Variants in LARGE1 observed in about 807,000 individuals in gnomAD.
The protein encoded by LARGE1 is LARGE xylosyl- and glucuronyltransferase 1.
LARGE1 carries 43 observed loss-of-function variants against 87.6 expected under a neutral mutation model. That is an observed-to-expected ratio of 0.49 (90% CI 0.38 to 0.63). The LOEUF (loss-of-function observed/expected upper bound fraction) is 0.63, where lower values mean the gene tolerates loss of function less well. Ranked by LOEUF, LARGE1 falls within the 30% of genes least tolerant of loss-of-function variation. LARGE1 has a pLI of 0.00. For synonymous variants in LARGE1, 434 were observed against 394.6 expected, an observed-to-expected ratio of 1.10 and a Z score of -1.18; for missense variants, 802 against 1,000.2, an observed-to-expected ratio of 0.80 and a Z score of 2.67.
chr22:33,181,224 C>A (rs137367), intron 11 of LARGE1, among the ~76,000 whole-genome samples: 1 of 151,798 alleles, frequency 6.6e-6, no homozygotes. Flanking sequence ...CTAAAATCAG[C>A]GGATAAAATT....
intron 2 of LARGE1, among the ~76,000 whole-genome samples, chr22:33,669,167 T>A (rs570131387): frequency 5.2e-5 from 8 of 152,382 alleles, no homozygotes; most frequent in African/African-American, 1.9e-4. Flanking sequence ...GAAGTAATTT[T>A]ATATCCCTCA....
intron 2 of LARGE1, among the ~76,000 whole-genome samples, chr22:33,653,223 C>T (rs952090669): frequency 2.0e-4 from 30 of 152,118 alleles, no homozygotes; most frequent in African/African-American, 7.0e-4. Flanking sequence ...GCTGATAATG[C>T]CTTAGGTTGC....
chr22:33,622,988 A>G (rs2149062334), intron 4 of LARGE1, among the ~76,000 whole-genome samples: 1 of 152,308 alleles, frequency 6.6e-6, no homozygotes, highest in South Asian at 2.1e-4. Flanking sequence ...TTCAACAACT[A>G]TTAGATTATC....
intron 4 of LARGE1, among the ~76,000 whole-genome samples, chr22:33,612,063 A>G (rs967717943): frequency 6.6e-6 from 1 of 152,208 alleles, no homozygotes; most frequent in Admixed American, 6.5e-5. Flanking sequence ...CTGTGAGCCA[A>G]TTAAATCTCT....
intron 6 of LARGE1, among the ~76,000 whole-genome samples, chr22:33,531,799 A>G (rs1049207885): frequency 6.6e-6 from 1 of 152,218 alleles, no homozygotes; most frequent in Non-Finnish European, 1.5e-5. Context: ...TAGGGTCTCA[A>G]GGACCAAACT....
chr22:33,862,007 C>T (rs747810907), intron 1 of LARGE1, among the ~76,000 whole-genome samples: 7 of 151,718 alleles, frequency 4.6e-5, no homozygotes, highest in Admixed American at 6.6e-5. Context: ...TACAGGCACG[C>T]GCCACCATGC....
At chr22:33,646,123 A>G (rs141738699) in intron 3 of LARGE1, among the ~76,000 whole-genome samples, 141 of 152,298 alleles carry the variant, frequency 9.3e-4, no homozygotes, top group Middle Eastern at 3.4e-3. Context: ...TTCTGCCATA[A>G]AGACACACAC....
chr22:33,681,085 C>A (rs1453040023), intron 2 of LARGE1, among the ~76,000 whole-genome samples: 3 of 152,086 alleles, frequency 2.0e-5, no homozygotes. Flanking sequence ...ATGTACTATA[C>A]CTGCCAGTTC....
At chr22:33,790,262 G>GT (rs1003123972) in intron 1 of LARGE1, among the ~76,000 whole-genome samples, 101 of 152,300 alleles carry the variant, frequency 6.6e-4, no homozygotes, top group African/African-American at 2.3e-3. Flanking sequence ...TGCCATGATT[G>GT]TGAGGCCTGC....
intron 4 of LARGE1, among the ~76,000 whole-genome samples, chr22:33,618,769 C>A (rs1317886861): frequency 6.6e-6 from 1 of 152,224 alleles, no homozygotes; most frequent in Non-Finnish European, 1.5e-5. Context: ...ACCTTCAAGC[C>A]AGAAACAGTC....
intron 11 of LARGE1, among the ~76,000 whole-genome samples, chr22:33,205,308 T>C (rs902215316): frequency 9.9e-5 from 15 of 152,258 alleles, no homozygotes; most frequent in Non-Finnish European, 2.2e-4. Context: ...GACTGCTATG[T>C]GCCAGCCACA....
chr22:33,657,367 A>G (rs1051634044), intron 2 of LARGE1, among the ~76,000 whole-genome samples: 1 of 152,130 alleles, frequency 6.6e-6, no homozygotes, highest in African/African-American at 2.4e-5. Context: ...TTCCCATTTG[A>G]TTTCAAACAT....
At chr22:33,491,790 T>G (rs918424643) in intron 6 of LARGE1, among the ~76,000 whole-genome samples, 1 of 152,176 alleles carries the variant, frequency 6.6e-6, no homozygotes, top group African/African-American at 2.4e-5. Flanking sequence ...TATTGCATAG[T>G]TGAAACAAAA....
At chr22:33,205,472 T>C (rs1027374849) in intron 11 of LARGE1, among the ~76,000 whole-genome samples, 1 of 152,122 alleles carries the variant, frequency 6.6e-6, no homozygotes, top group African/African-American at 2.4e-5. Context: ...AGATAATAAA[T>C]AGCACATAAA....
At chr22:33,534,467 G>A (rs5754592) in intron 6 of LARGE1, among the ~76,000 whole-genome samples, 1 of 151,624 alleles carries the variant, frequency 6.6e-6, no homozygotes, top group Non-Finnish European at 1.5e-5. Flanking sequence ...CTGCATCCAC[G>A]AGTGAGGGTC....
At chr22:33,325,288 G>A (rs759562000) in intron 10 of LARGE1, among the ~76,000 whole-genome samples, 1 of 152,248 alleles carries the variant, frequency 6.6e-6, no homozygotes, top group African/African-American at 2.4e-5. Flanking sequence ...GAGCTAGGCT[G>A]TATCTCCAGC....
intron 4 of LARGE1, among the ~76,000 whole-genome samples, chr22:33,621,206 T>G (rs919236907): frequency 1.3e-5 from 2 of 152,218 alleles, no homozygotes; most frequent in Admixed American, 6.5e-5. Context: ...TGTTCTTAAG[T>G]ATTATCCAAT....
chr22:33,371,801 G>A (rs369233680), intron 9 of LARGE1, among the ~76,000 whole-genome samples: 17 of 152,014 alleles, frequency 1.1e-4, no homozygotes, highest in East Asian at 5.8e-4. Context: ...TGGCTAACAC[G>A]GTGAAACCTC....
intron 6 of LARGE1, among the ~76,000 whole-genome samples, chr22:33,475,258 G>A (rs1362866446): frequency 6.6e-6 from 1 of 151,984 alleles, no homozygotes; most frequent in African/African-American, 2.4e-5. Context: ...CCAGTCAAAG[G>A]CAAGTTGCAT....
Sources: gnomAD v4.1 joint callset for allele counts (sites outside exome capture counted in the v4.1 genomes callset) on GRCh38, gnomAD v4.1.1 for gene constraint, MANE v1.5 for transcripts, NCBI Gene and HGNC (gene_info 2026-07-23, HGNC 2026-07-21) for gene names.